EXOC6B: variants seen among roughly 807,000 people sequenced by gnomAD.
The protein encoded by EXOC6B is exocyst complex component 6B.
A neutral mutation model predicts 113.5 loss-of-function variants in EXOC6B; 54 were observed. The ratio of observed to expected loss-of-function variants is 0.48; its 90% CI spans 0.38 to 0.60. The LOEUF is 0.60. EXOC6B is among the 20% of genes least tolerant of loss of function. The pLI is 0.00. For synonymous variants in EXOC6B, 357 were observed against 339.0 expected (o/e 1.05, Z -0.58); for missense variants, 797 against 977.5 (o/e 0.82, Z 2.46).
chr2:72,613,379 A>AGTTT (rs1671192103), intron 6 of EXOC6B, among the ~76,000 whole-genome samples: 10 of 152,116 alleles, frequency 6.6e-5, no homozygotes, highest in Admixed American at 6.5e-4. Context: ...GAAAACTCCA[A>AGTTT]TGCCCAGATA....
At chr2:72,318,642 T>C (rs1687667372) in intron 20 of EXOC6B, among the ~76,000 whole-genome samples, 2 of 152,188 alleles carry the variant, frequency 1.3e-5, no homozygotes, top group Admixed American at 6.6e-5. Flanking sequence ...TCCACCCACC[T>C]CTAGTAGGTA....
intron 11 of EXOC6B, among the ~76,000 whole-genome samples, chr2:72,507,519 A>G (rs2105632239): frequency 6.6e-6 from 1 of 152,216 alleles, no homozygotes; most frequent in Middle Eastern, 3.4e-3. Flanking sequence ...TTTACTTTAA[A>G]ATGAAACCTA....
chr2:72,239,868 T>A (rs1013066202), intron 20 of EXOC6B, among the ~76,000 whole-genome samples: 1 of 152,168 alleles, frequency 6.6e-6, no homozygotes, highest in Non-Finnish European at 1.5e-5. Flanking sequence ...ACCTTGTACT[T>A]CATGTTAAAT....
At chr2:72,412,951 CCTCT>C (rs908036792) in intron 18 of EXOC6B, among the ~76,000 whole-genome samples, 24 of 151,186 alleles carry the variant, frequency 1.6e-4, no homozygotes, top group African/African-American at 5.6e-4. Context: ...TCTTTCTCTC[CCTCT>C]CTCTTTCTTT....
intron 20 of EXOC6B, among the ~76,000 whole-genome samples, chr2:72,308,708 T>C (rs1315933192): frequency 6.6e-6 from 1 of 152,152 alleles, no homozygotes; most frequent in Non-Finnish European, 1.5e-5. Flanking sequence ...TTCTAGTTTG[T>C]TCAAGGCTAA....
At chr2:72,631,453 TATATATATAGAGAGAGAGAGAGAG>T (rs1443152202) in intron 6 of EXOC6B, among the ~76,000 whole-genome samples, 21 of 33,964 alleles carry the variant, frequency 6.2e-4, no homozygotes, top group African/African-American at 2.2e-3. Context: ...TATATATATA[TATATATATAGAGAGAGAGAGAGAG>T]AGAGAGAGAG....
Position 72,492,350 on chromosome 2 carries a change from C to T in EXOC6B, c.1633G>A (p.Val545Ile), listed in dbSNP as rs368087383. ...TRTLSNSLQN[V>I]IKRKNIGLTE... Reference sequence around the variant, plus strand: ...AGCCCAATATTCTTCCTTTTAATTACATTCTGCAGAGAGTTGCTCAGAGTC... The same window carrying T: ...AGCCCAATATTCTTCCTTTTAATTATATTCTGCAGAGAGTTGCTCAGAGTC... The change falls in exon 16 of 22, where the codon GTA becomes ATA. Residue 545 changes from valine to isoleucine, a missense_variant. Val to Ile is a conservative substitution (Grantham distance 29). Coordinates refer to ENST00000272427, the MANE Select transcript of EXOC6B (RefSeq NM_015189.3). 17 of 1,612,528 alleles carry T rather than the reference C, an allele frequency of 1.1e-5. No homozygotes were observed. The highest frequency in any genetic ancestry group is 2.2e-5 in the South Asian group (2 of 91,012).
chr2:72,469,248 A>G (rs904868897), intron 17 of EXOC6B, among the ~76,000 whole-genome samples: 5 of 152,002 alleles, frequency 3.3e-5, no homozygotes, highest in Admixed American at 1.3e-4. Flanking sequence ...CTATTCATCC[A>G]TCCAGGATTT....
chr2:72,303,139 A>G (rs1197299145), intron 20 of EXOC6B, among the ~76,000 whole-genome samples: 1 of 152,168 alleles, frequency 6.6e-6, no homozygotes, highest in African/African-American at 2.4e-5. Flanking sequence ...AATGTTGAAT[A>G]TAGGCCTCCA....
intron 20 of EXOC6B, among the ~76,000 whole-genome samples, chr2:72,240,770 A>G (rs1239107116): frequency 6.6e-6 from 1 of 152,372 alleles, no homozygotes; most frequent in South Asian, 2.1e-4. Flanking sequence ...AAAAAGAGAA[A>G]TAATGACAAC....
Position 72,334,992 on chromosome 2 carries a change from C to G in EXOC6B, c.2151G>C (p.Gly717=), listed in dbSNP as rs191567398. The G allele has an allele frequency of 1.9e-6, 3 of 1,613,374 alleles. No homozygotes were observed. The East Asian group carries it at 6.7e-5, about 36-fold the overall frequency. ...EQFARSGPVP[G]FQEDTLQLAF... The stretch of plus-strand genomic sequence containing the variant: ...CCAACTGCAGCGTGTCCTCCTGGAA[C>G]CCAGGCACCGGGCCGGATCTGGCAA... The change falls in exon 20 of 22, where the codon GGG becomes GGC. Residue 717 remains glycine, a synonymous_variant. Coordinates refer to ENST00000272427, the MANE Select transcript of EXOC6B (RefSeq NM_015189.3).
At chr2:72,401,851 A>G (rs1441401922) in intron 18 of EXOC6B, among the ~76,000 whole-genome samples, 1 of 149,894 alleles carries the variant, frequency 6.7e-6, no homozygotes, top group Non-Finnish European at 1.5e-5. Flanking sequence ...CAAAACTAAA[A>G]TTATAAAAAC....
intron 20 of EXOC6B, among the ~76,000 whole-genome samples, chr2:72,202,513 T>C (rs1402139572): frequency 6.6e-6 from 1 of 152,214 alleles, no homozygotes; most frequent in East Asian, 1.9e-4. Flanking sequence ...CAGATTAGCA[T>C]TTATCCACAT....
intron 20 of EXOC6B, among the ~76,000 whole-genome samples, chr2:72,317,357 C>T (rs1220513820): frequency 6.6e-6 from 1 of 152,084 alleles, no homozygotes; most frequent in Non-Finnish European, 1.5e-5. Flanking sequence ...AATTAAACAT[C>T]TCTATGCCCT....
chr2:72,276,425 T>G lies in EXOC6B; in HGVS notation c.2196+58522A>C, dbSNP rs1056179485. 5.3e-5 allele frequency among the ~76,000 whole-genome samples: 8 copies of G among 152,126 alleles called. No homozygotes were observed. In the East Asian group the frequency reaches 1.5e-3, roughly 29 times the overall value. On this transcript the variant is annotated intron_variant, in intron 20 of 21. Coordinates refer to ENST00000272427, the MANE Select transcript of EXOC6B (RefSeq NM_015189.3). ...CAGACAAGGGCTCTTTCTCTTATCA[T>G]TTAGGCTGAAAGAGCCCAGTTAACA...
chr2:72,680,563 A>G (rs1676626172), intron 6 of EXOC6B, among the ~76,000 whole-genome samples: 1 of 152,250 alleles, frequency 6.6e-6, no homozygotes, highest in South Asian at 2.1e-4. Context: ...ACATGGTGAA[A>G]CCCCATCTCT....
At chr2:72,252,297 G>C (rs779961998) in intron 20 of EXOC6B, among the ~76,000 whole-genome samples, 2 of 152,104 alleles carry the variant, frequency 1.3e-5, no homozygotes. Flanking sequence ...TCACACGTGT[G>C]TGTGTGTGTG....
chr2:72,405,397 T>C (rs545578805), intron 18 of EXOC6B, among the ~76,000 whole-genome samples: 20 of 152,236 alleles, frequency 1.3e-4, no homozygotes, highest in African/African-American at 3.9e-4. Flanking sequence ...AGACACATAA[T>C]TGTCAGATTC....
intron 2 of EXOC6B, among the ~76,000 whole-genome samples, 152 bp downstream of exon 2, chr2:72,741,152 C>T (rs1021727112): frequency 1.3e-5 from 2 of 152,054 alleles, no homozygotes; most frequent in Non-Finnish European, 2.9e-5. Flanking sequence ...AAGCCATACT[C>T]TCAAGAATGT....
Sources: gnomAD v4.1 joint callset for allele counts (sites outside exome capture counted in the v4.1 genomes callset) on GRCh38, gnomAD v4.1.1 for gene constraint, MANE v1.5 for transcripts, NCBI Gene and HGNC (gene_info 2026-07-23, HGNC 2026-07-21) for gene names.